Variants in COL23A1 observed in about 807,000 individuals in gnomAD.
The protein encoded by COL23A1 is collagen type XXIII alpha 1 chain.
COL23A1 carries 97 observed loss-of-function variants against 99.3 expected under a neutral mutation model. The observed-to-expected ratio is 0.98, with a 90% CI of 0.83 to 1.16. COL23A1 has a LOEUF of 1.16. Ranked by LOEUF, COL23A1 falls within the 50% of genes most tolerant of loss-of-function variation. The probability of loss-of-function intolerance (pLI) is 0.00; values close to 1 mark genes in which losing one functional copy is unlikely to be tolerated. For missense variants in COL23A1, 762 were observed against 757.4 expected (o/e 1.01, Z -0.07); for synonymous variants, 320 against 308.2 (o/e 1.04, Z -0.40).
At chr5:178,362,309 GGC>G (rs1762215069) in intron 2 of COL23A1, among the ~76,000 whole-genome samples, 1 of 152,136 alleles carries the variant, frequency 6.6e-6, no homozygotes, top group Admixed American at 6.5e-5. Context: ...CTCAACCACA[GGC>G]CCCGGGGTTG....
intron 2 of COL23A1, among the ~76,000 whole-genome samples, chr5:178,479,625 G>A (rs1176168709): frequency 6.6e-6 from 1 of 152,204 alleles, no homozygotes; most frequent in Non-Finnish European, 1.5e-5. Context: ...GGGACAAGTG[G>A]AGAAATGTGA....
chr5:178,524,853 C>T (rs376141348), intron 2 of COL23A1, among the ~76,000 whole-genome samples: 2 of 152,374 alleles, frequency 1.3e-5, no homozygotes, highest in African/African-American at 2.4e-5. Context: ...CACTCACTCA[C>T]GCAGCAATGC....
intron 5 of COL23A1, among the ~76,000 whole-genome samples, chr5:178,284,963 T>C (rs897261020): frequency 2.0e-5 from 3 of 152,134 alleles, no homozygotes. Flanking sequence ...GAGATGCTTT[T>C]TCCTTGTGTT....
intron 2 of COL23A1, among the ~76,000 whole-genome samples, chr5:178,401,965 G>A (rs748673423): frequency 2.0e-5 from 3 of 152,100 alleles, no homozygotes; most frequent in Admixed American, 6.5e-5. Flanking sequence ...ACAGGCGCCT[G>A]CCACCACGCT....
intron 2 of COL23A1, among the ~76,000 whole-genome samples, chr5:178,425,853 G>A (rs1336369166): frequency 6.6e-6 from 1 of 152,230 alleles, no homozygotes; most frequent in African/African-American, 2.4e-5. Flanking sequence ...TGTGTCTTGA[G>A]AGTGCCGTGG....
chr5:178,362,411 G>A (rs1251882807), intron 2 of COL23A1, among the ~76,000 whole-genome samples: 1 of 152,212 alleles, frequency 6.6e-6, no homozygotes, highest in Non-Finnish European at 1.5e-5. Context: ...ACCGAATCCA[G>A]GCTAAGCTCA....
intron 5 of COL23A1, among the ~76,000 whole-genome samples, chr5:178,279,631 C>T (rs141480046): frequency 3.3e-5 from 5 of 152,158 alleles, no homozygotes; most frequent in Admixed American, 1.3e-4. Flanking sequence ...TCCAGCCACC[C>T]GGGGTGGAAC....
At position 178,468,281 on chromosome 5, in the gene COL23A1, C is replaced by G. The variant is rs540544099; in HGVS notation, c.361+92401G>C. Reference sequence around the variant, plus strand: ...GAGCAGAGGGCCCCTGCAGGAAGATCGGGAAGGTCTAAATCCAAGCTCATT... The same window carrying G: ...GAGCAGAGGGCCCCTGCAGGAAGATGGGGAAGGTCTAAATCCAAGCTCATT... On this transcript the variant is annotated intron_variant, in intron 2 of 28. Coordinates refer to ENST00000390654, the MANE Select transcript of COL23A1 (RefSeq NM_173465.4). The surrounding 1 kb of genome is among the most constrained non-coding windows in gnomAD (Gnocchi z 4.2). Among the ~76,000 whole-genome samples, 18 of 150,692 alleles carry G rather than the reference C, an allele frequency of 1.2e-4. No homozygotes were observed. The highest frequency in any genetic ancestry group is 4.1e-4 in the African/African-American group (17 of 41,106).
At chr5:178,526,974 G>T (rs1309776017) in intron 2 of COL23A1, among the ~76,000 whole-genome samples, 1 of 152,270 alleles carries the variant, frequency 6.6e-6, no homozygotes, top group Non-Finnish European at 1.5e-5. Context: ...GCACCCCAGG[G>T]TGCCGTGGTA....
intron 2 of COL23A1, among the ~76,000 whole-genome samples, chr5:178,416,514 G>C (rs955568290): frequency 3.9e-5 from 6 of 152,214 alleles, no homozygotes; most frequent in Admixed American, 3.3e-4. Context: ...AGTTGGACCA[G>C]GATGATACGG....
At chr5:178,274,749 G>A (rs563718901) in intron 5 of COL23A1, among the ~76,000 whole-genome samples, 9 of 152,316 alleles carry the variant, frequency 5.9e-5, no homozygotes, top group African/African-American at 2.2e-4. Flanking sequence ...CAGCCTTGCA[G>A]GGCCCAGGTT....
At chr5:178,258,729 C>T (rs901392864) in intron 12 of COL23A1, among the ~76,000 whole-genome samples, 3 of 151,888 alleles carry the variant, frequency 2.0e-5, no homozygotes, top group Non-Finnish European at 4.4e-5. Flanking sequence ...AGGTCTCGCG[C>T]TGTTATCCAG....
chr5:178,514,878 C>T (rs185514865), intron 2 of COL23A1, among the ~76,000 whole-genome samples: 10 of 152,330 alleles, frequency 6.6e-5, no homozygotes, highest in East Asian at 5.8e-4. Flanking sequence ...AATTATGATG[C>T]GGCATTTTCA....
In COL23A1 at chr5:178,583,989, G is replaced by A. The variant is rs189558219; in HGVS notation, c.294+5915C>T. Among the ~76,000 whole-genome samples the A allele has an allele frequency of 3.0e-4, 46 of 152,174 alleles. No individual in the cohort carries two copies. The South Asian group carries it at 3.5e-3, about 12-fold the overall frequency. ...AGCAATCCTCACACCTCAGTGTCTC[G>A]AGGAGCTGGTCTACAGGCTTGCGCC... On this transcript the variant is annotated intron_variant, in intron 1 of 28. Coordinates refer to ENST00000390654, the MANE Select transcript of COL23A1 (RefSeq NM_173465.4).
intron 2 of COL23A1, among the ~76,000 whole-genome samples, chr5:178,552,186 T>C (rs1043451455): frequency 6.6e-6 from 1 of 152,224 alleles, no homozygotes; most frequent in Non-Finnish European, 1.5e-5. Context: ...GCATCTGTTA[T>C]GGGTCTTGTA....
chr5:178,265,184 CT>C (rs1463477822), intron 8 of COL23A1, among the ~76,000 whole-genome samples: 2 of 152,216 alleles, frequency 1.3e-5, no homozygotes, highest in Non-Finnish European at 2.9e-5. Flanking sequence ...CACAAATTCA[CT>C]TGCTTTCCCA....
chr5:178,279,578 G>A (rs148316040), intron 5 of COL23A1, among the ~76,000 whole-genome samples: 2 of 152,202 alleles, frequency 1.3e-5, no homozygotes, highest in Non-Finnish European at 2.9e-5. Context: ...TCCAGCCCAG[G>A]GAGGGCTCTC....
chr5:178,261,182 G>C (rs1234935652), intron 11 of COL23A1, among the ~76,000 whole-genome samples: 3 of 152,174 alleles, frequency 2.0e-5, no homozygotes, highest in Non-Finnish European at 2.9e-5. Flanking sequence ...GGAGGCTGAG[G>C]TGGGAGGATA....
rs942851464 is a variant in COL23A1 at position 178,281,833 on chromosome 5, T to C, written c.441+6491A>G. On this transcript the variant is annotated intron_variant, in intron 5 of 28. Transcript: ENST00000390654. The surrounding 1 kb of genome is among the most constrained non-coding windows in gnomAD (Gnocchi z 4.0). ...GGGAGGCCGAGGTGGTCAGATTGCCTGAGCTCAGGAGTTTGAGACCAGCCT... is the reference window on the plus strand; with the variant it reads ...GGGAGGCCGAGGTGGTCAGATTGCCCGAGCTCAGGAGTTTGAGACCAGCCT... Among the ~76,000 whole-genome samples, 16 of 152,068 alleles carry C rather than the reference T, an allele frequency of 1.1e-4. No individual in the cohort carries two copies. Among genetic ancestry groups the C allele is most frequent in the African/African-American group, 3.9e-4 (16 of 41,418 alleles).
Sources: allele counts gnomAD v4.1 joint callset (sites outside exome capture counted in the v4.1 genomes callset), GRCh38; gene constraint gnomAD v4.1.1; non-coding constraint Gnocchi (gnomAD v3.1); transcripts MANE v1.5; gene names NCBI Gene and HGNC (gene_info 2026-07-23, HGNC 2026-07-21).